The following CCDC160 variants were observed in gnomAD, a reference collection of about 807,000 sequenced individuals.
CCDC160 encodes the protein coiled-coil domain containing 160.
For missense variants in CCDC160, 227 were observed against 215.6 expected, an observed-to-expected ratio of 1.05 and a Z score of -0.33; for synonymous variants, 94 against 79.4, an observed-to-expected ratio of 1.18 and a Z score of -0.98.
In CCDC160 at chrX:134,243,354, G is replaced by A. The variant is rs1023353556; in HGVS notation, c.-24-1423G>A. 5.3e-6 allele frequency: 4 copies of A among 749,764 alleles called. No individual in the cohort carries two copies. The African/African-American group carries it at 7.0e-5, about 13-fold the overall frequency. The allele number at this position is 749,764 out of a possible 1,213,427, so 61.8% of individuals were successfully genotyped here. A position where few individuals can be genotyped will look rare whatever the true frequency, so the allele number is the denominator to read the frequency against. On this transcript the variant is annotated intron_variant, in intron 1 of 1. Transcript: ENST00000370809. ...GTTGCCAGTAGGGATGTACTCTTGG[G>A]GATGGTGAGTCCCTTCCATCTTTTG...
intron 1 of CCDC160, among the ~76,000 whole-genome samples, chrX:134,240,199 C>T (rs374311139): frequency 8.9e-6 from 1 of 112,448 alleles, no homozygotes; most frequent in African/African-American, 3.2e-5. Flanking sequence ...TTGAGAACCA[C>T]TGCTCTGAAG....
intron 1 of CCDC160, among the ~76,000 whole-genome samples, chrX:134,242,720 A>G (rs1195068764): frequency 2.7e-5 from 3 of 110,923 alleles, no homozygotes; most frequent in Non-Finnish European, 5.7e-5. Flanking sequence ...CCAGACCTCT[A>G]TCTCAGATAG....
chrX:134,241,958 G>A (rs2077028712), intron 1 of CCDC160, among the ~76,000 whole-genome samples: 1 of 111,635 alleles, frequency 9.0e-6, no homozygotes, highest in Admixed American at 9.5e-5. Flanking sequence ...TGCCATACTC[G>A]TTCTGCATAA....
intron 1 of CCDC160, among the ~76,000 whole-genome samples, chrX:134,244,112 A>G (rs947886739): frequency 3.6e-5 from 4 of 111,938 alleles, no homozygotes; most frequent in Non-Finnish European, 7.5e-5. Context: ...AATATTTTCA[A>G]TTGTTGACAT....
intron 1 of CCDC160, chrX:134,238,759 C>T (rs1011764148): frequency 9.0e-6 from 1 of 111,528 alleles, no homozygotes; most frequent in African/African-American, 3.3e-5. Context: ...GGGAGGGAGG[C>T]GGAATTTTCT....
chrX:134,243,168 A>G (rs2077032577), intron 1 of CCDC160, among the ~76,000 whole-genome samples: 1 of 112,233 alleles, frequency 8.9e-6, no homozygotes, highest in South Asian at 3.7e-4. Context: ...TGGCAAATAT[A>G]TATTGTGAAT....
At chrX:134,238,053 T>G (rs773245117) in intron 1 of CCDC160, among the ~76,000 whole-genome samples, 1 of 111,925 alleles carries the variant, frequency 8.9e-6, no homozygotes, top group South Asian at 3.8e-4. Flanking sequence ...TGTTTGTTTG[T>G]TTCAAATTAA....
chrX:134,239,548 T>A (rs1239888914), intron 1 of CCDC160, among the ~76,000 whole-genome samples: 1 of 111,731 alleles, frequency 9.0e-6, no homozygotes, highest in Admixed American at 9.5e-5. Context: ...ATTAAATTAA[T>A]CTGAGATTGG....
downstream of CCDC160, among the ~76,000 whole-genome samples, chrX:134,246,817 A>G (rs909608831): frequency 3.6e-5 from 4 of 112,205 alleles, no homozygotes; most frequent in African/African-American, 1.3e-4. Context: ...TTTAAAGCCT[A>G]ATAAACCAAA....
chrX:134,238,717 G>A (rs2077018518), intron 1 of CCDC160, 33 bp from the exon 2 acceptor site: 1 of 111,306 alleles, frequency 9.0e-6, no homozygotes, highest in Non-Finnish European at 1.9e-5. Flanking sequence ...CACGGGTTTG[G>A]GCATTCTGGT....
chrX:134,237,477 T>C (rs1408536609), intron 1 of CCDC160, 134 bp downstream of exon 1: 1 of 112,598 alleles, frequency 8.9e-6, no homozygotes, highest in African/African-American at 3.2e-5. Context: ...AAGTTATTTC[T>C]GTCCTTAGAG....
At chrX:134,238,530 G>A (rs911314780) in intron 1 of CCDC160, among the ~76,000 whole-genome samples, 6 of 108,734 alleles carry the variant, frequency 5.5e-5, no homozygotes, top group African/African-American at 1.7e-4. Context: ...GTGCCACCAC[G>A]CCCGGCTAAT....
intron 1 of CCDC160, among the ~76,000 whole-genome samples, chrX:134,240,793 C>T (rs2077025407): frequency 9.7e-6 from 1 of 103,230 alleles, no homozygotes; most frequent in Non-Finnish European, 2.0e-5. Flanking sequence ...AAGCAATCCT[C>T]CCACCTGAGT....
At chrX:134,244,839 T>G in exon 2 of CCDC160, 1 of 1,183,347 alleles carries the variant, frequency 8.5e-7, no homozygotes, top group Non-Finnish European at 1.1e-6. Flanking sequence ...AGAATATGTT[T>G]ACTCCTTTTT....
intron 1 of CCDC160, among the ~76,000 whole-genome samples, chrX:134,242,012 G>T (rs2077028832): frequency 9.0e-6 from 1 of 111,334 alleles, no homozygotes; most frequent in African/African-American, 3.3e-5. Context: ...GAGACTGGCA[G>T]CTTTTACCCC....
intron 1 of CCDC160, among the ~76,000 whole-genome samples, chrX:134,242,375 A>G (rs755889191): frequency 9.0e-6 from 1 of 111,462 alleles, no homozygotes; most frequent in East Asian, 2.8e-4. Context: ...CTGACCTGAG[A>G]GACAGGGTCC....
At chrX:134,237,774 C>G (rs1456458249) in intron 1 of CCDC160, among the ~76,000 whole-genome samples, 1 of 112,211 alleles carries the variant, frequency 8.9e-6, no homozygotes, top group Non-Finnish European at 1.9e-5. Context: ...GAATGTGACT[C>G]TCATACTAAT....
intron 1 of CCDC160, among the ~76,000 whole-genome samples, chrX:134,240,728 G>A (rs1425017154): frequency 1.2e-5 from 1 of 85,380 alleles, no homozygotes; most frequent in Non-Finnish European, 2.2e-5. Flanking sequence ...CTGTTTCCCA[G>A]GCTGGAGTGC....
intron 1 of CCDC160, 72 bp from the exon 3 acceptor site, chrX:134,244,705 T>G: frequency 1.0e-6 from 1 of 965,375 alleles, no homozygotes; most frequent in South Asian, 3.2e-5. Flanking sequence ...GCCAGCATTT[T>G]TATTTCTTTC....
Sources: gnomAD v4.1 joint callset for allele counts (sites outside exome capture counted in the v4.1 genomes callset) on GRCh38, gnomAD v4.1.1 for gene constraint, MANE v1.5 for transcripts, NCBI Gene and HGNC (gene_info 2026-07-23, HGNC 2026-07-21) for gene names.